The following IGSF21 variants were observed in gnomAD, a reference collection of about 807,000 sequenced individuals.
IGSF21 encodes immunoglobin superfamily member 21, also known as immunoglobulin superfamily member 21.
IGSF21 carries 28 observed loss-of-function variants against 46.8 expected under a neutral mutation model. That is an observed-to-expected ratio of 0.60 (90% CI 0.44 to 0.82). The LOEUF (loss-of-function observed/expected upper bound fraction) is 0.82, where lower values mean the gene tolerates loss of function less well. Ranked by LOEUF, IGSF21 falls within the 40% of genes least tolerant of loss-of-function variation. IGSF21 has a pLI of 0.00. For missense variants in IGSF21, 624 were observed against 665.5 expected (o/e 0.94, Z 0.69); for synonymous variants, 284 against 273.6 (o/e 1.04, Z -0.38).
chr1:18,292,145 C>A (rs929074375), intron 3 of IGSF21, among the ~76,000 whole-genome samples, 158 bp downstream of exon 3: 7 of 152,200 alleles, frequency 4.6e-5, no homozygotes, highest in African/African-American at 1.7e-4. Context: ...GGGACCCATT[C>A]CCTGGAGGGA....
At chr1:18,317,780 CAT>C (rs1446183770) in intron 3 of IGSF21, among the ~76,000 whole-genome samples, 1 of 152,236 alleles carries the variant, frequency 6.6e-6, no homozygotes, top group African/African-American at 2.4e-5. Flanking sequence ...AGCAAACACA[CAT>C]GTGCTAACTA....
At chr1:18,278,207 C>CATTT (rs552817468) in intron 2 of IGSF21, among the ~76,000 whole-genome samples, 1,397 of 48,838 alleles carry the variant, frequency 0.029, 8 homozygotes, top group East Asian at 0.062. Flanking sequence ...TGGCTGCATT[C>CATTT]ATTTATTTAT....
At position 18,250,891 on chromosome 1, in the gene IGSF21, A is replaced by G. The variant is rs562468506; in HGVS notation, c.183+22881A>G. On this transcript the variant is annotated intron_variant, in intron 2 of 9. Coordinates refer to ENST00000251296, the MANE Select transcript of IGSF21 (RefSeq NM_032880.5). ...TAATTAATTAGCAAGAAAATATCAG[A>G]TAATGATAAGTGTGGTGTAGATAAT... 6.6e-5 allele frequency among the ~76,000 whole-genome samples: 10 copies of G among 152,322 alleles called. No homozygotes were observed. The South Asian group carries it at 2.1e-3, about 32-fold the overall frequency.
At chr1:18,292,373 G>T (rs1001087226) in intron 3 of IGSF21, among the ~76,000 whole-genome samples, 2 of 152,258 alleles carry the variant, frequency 1.3e-5, no homozygotes, top group Non-Finnish European at 2.9e-5. Context: ...CGGCTTGGAA[G>T]CTCAAACACC....
intron 2 of IGSF21, among the ~76,000 whole-genome samples, chr1:18,239,878 T>C (rs529441165): frequency 1.1e-4 from 16 of 152,302 alleles, no homozygotes; most frequent in African/African-American, 3.8e-4. Context: ...ACTAAGCACG[T>C]GACCATATGA....
chr1:18,210,377 T>C (rs1249379355), intron 1 of IGSF21, among the ~76,000 whole-genome samples: 4 of 152,230 alleles, frequency 2.6e-5, no homozygotes, highest in African/African-American at 9.6e-5. Context: ...AATCAAAATA[T>C]GTTCCAGAGA....
chr1:18,275,671 C>T (rs962158632), intron 2 of IGSF21, among the ~76,000 whole-genome samples: 5 of 152,136 alleles, frequency 3.3e-5, no homozygotes, highest in Admixed American at 1.3e-4. Flanking sequence ...GCTAGGTGTC[C>T]GCTCAACCCC....
chr1:18,204,724 T>C (rs562376568), intron 1 of IGSF21, among the ~76,000 whole-genome samples: 21 of 152,160 alleles, frequency 1.4e-4, no homozygotes, highest in African/African-American at 4.8e-4. Flanking sequence ...GAGATTTAGG[T>C]TGGGCAGGAG....
At chr1:18,139,972 G>A (rs913237466) in intron 1 of IGSF21, among the ~76,000 whole-genome samples, 1 of 152,054 alleles carries the variant, frequency 6.6e-6, no homozygotes, top group Non-Finnish European at 1.5e-5. Context: ...ATTTAGACAG[G>A]GTCTCGCTCT....
At chr1:18,207,973 C>A (rs757849517) in intron 1 of IGSF21, among the ~76,000 whole-genome samples, 6 of 152,022 alleles carry the variant, frequency 3.9e-5, no homozygotes, top group African/African-American at 9.7e-5. Context: ...AGAAAAAAAA[C>A]GGGTTCAAAA....
intron 2 of IGSF21, among the ~76,000 whole-genome samples, chr1:18,247,736 C>T (rs2084798924): frequency 6.6e-6 from 1 of 152,130 alleles, no homozygotes; most frequent in South Asian, 2.1e-4. Flanking sequence ...GCTGTCTAAA[C>T]ACTTACATAT....
chr1:18,262,618 C>T (rs1019081284), intron 2 of IGSF21, among the ~76,000 whole-genome samples: 9 of 152,186 alleles, frequency 5.9e-5, no homozygotes, highest in Admixed American at 2.6e-4. Flanking sequence ...GTTCCAGAAG[C>T]GGGATGAGAG....
At chr1:18,283,543 C>T (rs1361755197) in intron 2 of IGSF21, among the ~76,000 whole-genome samples, 1 of 151,996 alleles carries the variant, frequency 6.6e-6, no homozygotes, top group Non-Finnish European at 1.5e-5. Context: ...GAAGAGTGGT[C>T]CAGGGTCGTT....
At chr1:18,144,397 G>C (rs76103494) in intron 1 of IGSF21, among the ~76,000 whole-genome samples, 12 of 152,120 alleles carry the variant, frequency 7.9e-5, no homozygotes, top group Admixed American at 6.5e-4. Context: ...CCAGAGGTAG[G>C]GCTACCCCTA....
rs1238858885 is a variant in IGSF21, at chr1:18,109,781, T to C, written c.70+1583T>C. The C allele has an allele frequency of 6.6e-6, 1 of 152,188 alleles. No homozygotes were observed. Among genetic ancestry groups the C allele is most frequent in the Non-Finnish European group, 1.5e-5 (1 of 68,132 alleles). The allele number at this position is 152,188 out of a possible 1,614,324, so 9.4% of individuals were successfully genotyped here. A position where few individuals can be genotyped will look rare whatever the true frequency, so the allele number is the denominator to read the frequency against. On this transcript the variant is annotated intron_variant, in intron 1 of 9. Coordinates refer to ENST00000251296, the MANE Select transcript of IGSF21 (RefSeq NM_032880.5). The surrounding 1 kb of genome is among the most constrained non-coding windows in gnomAD (Gnocchi z 4.8). Reference sequence around the variant, plus strand: ...GGGAAAGGTTACATGGGGGAGGTCCTCGTTCCAGCGCCGCCGAGAGGGCAC... The same window carrying C: ...GGGAAAGGTTACATGGGGGAGGTCCCCGTTCCAGCGCCGCCGAGAGGGCAC...
At position 18,359,392 on chromosome 1, in the gene IGSF21, A is replaced by C. The variant is rs557613104; in HGVS notation, c.425-2723A>C. Among the ~76,000 whole-genome samples the C allele has an allele frequency of 1.2e-3, 124 of 103,904 alleles. 2 individuals carry two copies. Among genetic ancestry groups the C allele is most frequent in the African/African-American group, 4.7e-3 (121 of 25,766 alleles). The allele number at this position is 103,904 out of a possible 152,430, so 68.2% of individuals were successfully genotyped here. ...AAAGAAAGAAAGAAAGAAAGGAAGG[A>C]AGGAAGGAAGGAAGGAAGGAAGGAA... On this transcript the variant is annotated intron_variant, in intron 4 of 9. Coordinates refer to ENST00000251296, the MANE Select transcript of IGSF21 (RefSeq NM_032880.5).
At position 18,178,429 on chromosome 1, in the gene IGSF21, T is replaced by C. The variant is rs760157875; in HGVS notation, c.71-49469T>C. On this transcript the variant is annotated intron_variant, in intron 1 of 9. Coordinates refer to ENST00000251296, the MANE Select transcript of IGSF21 (RefSeq NM_032880.5). ...CTCTTACCATAATAACCATGTGATA[T>C]TGAACGAGTTATCTAACTTCATGTT... 6.6e-5 allele frequency among the ~76,000 whole-genome samples: 10 copies of C among 152,214 alleles called. No homozygotes were observed. The South Asian group carries it at 8.3e-4, about 13-fold the overall frequency.
At chr1:18,128,713 C>T (rs959570920) in intron 1 of IGSF21, among the ~76,000 whole-genome samples, 46 of 152,136 alleles carry the variant, frequency 3.0e-4, no homozygotes, top group African/African-American at 1.1e-3. Context: ...AGATGAAACT[C>T]CCCTAGTGGG....
intron 1 of IGSF21, among the ~76,000 whole-genome samples, chr1:18,209,750 G>C (rs372856265): frequency 6.6e-6 from 1 of 151,694 alleles, no homozygotes. Context: ...GTGAGCCACC[G>C]CACCCGGCCA....
Sources: gnomAD v4.1 joint callset for allele counts (sites outside exome capture counted in the v4.1 genomes callset) on GRCh38, gnomAD v4.1.1 for gene constraint, Gnocchi (gnomAD v3.1) non-coding constraint, MANE v1.5 for transcripts, NCBI Gene and HGNC (gene_info 2026-07-23, HGNC 2026-07-21) for gene names.